Variants in ANKRD45 observed in about 807,000 individuals in gnomAD.
The protein encoded by ANKRD45 is ankyrin repeat domain-containing protein 45.
A neutral mutation model predicts 28.1 loss-of-function variants in ANKRD45; 21 were observed. The ratio of observed to expected loss-of-function variants is 0.75; its 90% CI spans 0.53 to 1.08. The LOEUF is 1.08. Among genes scored for constraint, ANKRD45 ranks in the 50% least tolerant of loss-of-function variants. The pLI is 0.00. For synonymous variants in ANKRD45, 86 were observed against 103.9 expected, an observed-to-expected ratio of 0.83 and a Z score of 1.05; for missense variants, 261 against 308.7, an observed-to-expected ratio of 0.85 and a Z score of 1.16.
Position 173,610,149 on chromosome 1 carries a change from T to C in ANKRD45, c.797A>G (p.Asn266Ser). Residue 266 changes from asparagine to serine, a missense_variant, in exon 6 of 6, where the codon AAC becomes AGC. By Grantham distance (46) the Asn-to-Ser change is conservative. Coordinates refer to ENST00000333279, the MANE Select transcript of ANKRD45 (RefSeq NM_198493.3). ...GGCCTTTTACAGAACGTATGTTCAG[T>C]TGGAGGTATCATCTTGACTTCTCTT... is the stretch of plus-strand genomic sequence containing the variant. ...DQKRSQDDTS[N>S] is the part of the protein sequence containing the mutation. 6.2e-7 allele frequency: 1 copy of C among 1,614,044 alleles called. No homozygotes were observed. Among genetic ancestry groups the C allele is most frequent in the Non-Finnish European group, 8.5e-7 (1 of 1,179,900 alleles).
At chr1:173,614,927 C>T (rs1483721772) in intron 5 of ANKRD45, among the ~76,000 whole-genome samples, 1 of 152,092 alleles carries the variant, frequency 6.6e-6, no homozygotes, top group Non-Finnish European at 1.5e-5. Context: ...GGTGATCATC[C>T]TGTCTCAGCC....
At chr1:173,646,053 T>C (rs1263308841) in intron 3 of ANKRD45, among the ~76,000 whole-genome samples, 1 of 152,208 alleles carries the variant, frequency 6.6e-6, no homozygotes, top group Non-Finnish European at 1.5e-5. Flanking sequence ...AATAAATGCT[T>C]GCTAAAAACA....
chr1:173,623,040 G>T (rs999741676), intron 5 of ANKRD45, among the ~76,000 whole-genome samples: 5 of 152,072 alleles, frequency 3.3e-5, no homozygotes, highest in Non-Finnish European at 7.4e-5. Flanking sequence ...AAAAGGCTGG[G>T]CATGGTGGCT....
chr1:173,703,272 C>A, the ANKRD45 span, among the ~76,000 whole-genome samples: 3 of 150,334 alleles, frequency 2.0e-5, no homozygotes, highest in Admixed American at 1.3e-4. Context: ...GACACGATCT[C>A]GGGTCACTGC....
chr1:173,635,208 G>A (rs1668372844), intron 3 of ANKRD45: 1 of 208,744 alleles, frequency 4.8e-6, no homozygotes. Context: ...GTATCTTTAA[G>A]AAACTCAATG....
chr1:173,658,904 TACTATA>T, intron 2 of ANKRD45, 181 bp downstream of exon 2: 1 of 885,410 alleles, frequency 1.1e-6, no homozygotes, highest in South Asian at 3.5e-5. Flanking sequence ...TGTTCTAAAA[TACTATA>T]CTATGTAATA....
intron 3 of ANKRD45, among the ~76,000 whole-genome samples, chr1:173,646,381 TCTGA>T (rs1231724047): frequency 6.6e-6 from 1 of 152,200 alleles, no homozygotes; most frequent in African/African-American, 2.4e-5. Flanking sequence ...TAGCTACTAT[TCTGA>T]CTATTAGCAC....
the ANKRD45 span, among the ~76,000 whole-genome samples, chr1:173,692,105 A>C: frequency 2.6e-4 from 40 of 152,298 alleles, no homozygotes; most frequent in South Asian, 8.3e-4. Context: ...GTTAGGGTGG[A>C]GTAGGTAGTC....
At chr1:173,699,360 A>T in the ANKRD45 span, among the ~76,000 whole-genome samples, 14 of 152,176 alleles carry the variant, frequency 9.2e-5, no homozygotes, top group Non-Finnish European at 7.3e-5. Flanking sequence ...TCTGGCAGAG[A>T]TACAACAAAA....
At chr1:173,645,851 T>C (rs945263412) in intron 3 of ANKRD45, among the ~76,000 whole-genome samples, 1 of 152,202 alleles carries the variant, frequency 6.6e-6, no homozygotes, top group Non-Finnish European at 1.5e-5. Flanking sequence ...ATGCTCTGAC[T>C]TCCTATTCTT....
At chr1:173,643,171 A>AT (rs370267609) in intron 3 of ANKRD45, among the ~76,000 whole-genome samples, 1,487 of 132,268 alleles carry the variant, frequency 0.011, 18 homozygotes, top group East Asian at 0.066. Flanking sequence ...TTGCCTGAGA[A>AT]TTTTTTTTTT....
chr1:173,694,010 C>T, the ANKRD45 span, among the ~76,000 whole-genome samples: 3 of 152,178 alleles, frequency 2.0e-5, no homozygotes, highest in Non-Finnish European at 2.9e-5. Context: ...TAGATTTCTG[C>T]CCATTGGCAA....
the ANKRD45 span, among the ~76,000 whole-genome samples, chr1:173,687,639 A>C: frequency 2.0e-5 from 3 of 151,246 alleles, no homozygotes; most frequent in African/African-American, 7.3e-5. Context: ...ATTATTCTTT[A>C]TTATTAATAC....
chr1:173,692,156 A>T, the ANKRD45 span, among the ~76,000 whole-genome samples: 3 of 152,214 alleles, frequency 2.0e-5, no homozygotes, highest in African/African-American at 7.2e-5. Context: ...TTAAAAGTAG[A>T]AAGTTTAAAA....
At chr1:173,650,352 T>C (rs549796051) in intron 2 of ANKRD45, among the ~76,000 whole-genome samples, 1 of 152,072 alleles carries the variant, frequency 6.6e-6, no homozygotes, top group South Asian at 2.1e-4. Context: ...GAGAACACGG[T>C]TTGGTTATCT....
intron 3 of ANKRD45, chr1:173,635,303 T>C (rs1050723210): frequency 2.5e-5 from 12 of 481,120 alleles, no homozygotes; most frequent in Admixed American, 1.1e-4. Flanking sequence ...TGACTGATGA[T>C]GTTACAATGA....
chr1:173,627,036 CAGAACA>C (rs1449619868), intron 4 of ANKRD45, 23 bp downstream of exon 4: 1 of 1,504,460 alleles, frequency 6.6e-7, no homozygotes, highest in African/African-American at 1.4e-5. Flanking sequence ...CAAAACACTA[CAGAACA>C]AGCAATAATC....
At chr1:173,651,693 C>T (rs1330921171) in intron 2 of ANKRD45, among the ~76,000 whole-genome samples, 2 of 152,058 alleles carry the variant, frequency 1.3e-5, no homozygotes, top group East Asian at 3.9e-4. Flanking sequence ...AGCAGTATGG[C>T]CATTTTCACG....
At chr1:173,634,493 T>C (rs1476558734) in intron 3 of ANKRD45, among the ~76,000 whole-genome samples, 1 of 151,868 alleles carries the variant, frequency 6.6e-6, no homozygotes, top group East Asian at 1.9e-4. Flanking sequence ...ACAAAATGTC[T>C]TTGCTTATTA....
Sources: gnomAD v4.1 joint callset for allele counts (sites outside exome capture counted in the v4.1 genomes callset) on GRCh38, gnomAD v4.1.1 for gene constraint, MANE v1.5 for transcripts, NCBI Gene and HGNC (gene_info 2026-07-23, HGNC 2026-07-21) for gene names.